ENY2: variants seen among roughly 807,000 people sequenced by gnomAD.
The protein encoded by ENY2 is transcription and mRNA export factor ENY2.
Under a neutral mutation model 15.9 loss-of-function variants are expected in ENY2, and 4 were observed. That is an observed-to-expected ratio of 0.25 (90% CI 0.12 to 0.57). The LOEUF is 0.57. ENY2 is among the 20% of genes least tolerant of loss of function. ENY2 has a pLI of 0.91. For synonymous variants in ENY2, 48 were observed against 38.0 expected, an observed-to-expected ratio of 1.26 and a Z score of -0.97; for missense variants, 54 against 117.2, an observed-to-expected ratio of 0.46 and a Z score of 2.49.
At chr8:109,334,740 A>G (rs1815919833) in intron 1 of ENY2, 7 of 522,188 alleles carry the variant, frequency 1.3e-5, no homozygotes, top group Non-Finnish European at 2.4e-5. Context: ...TTGTTTTACC[A>G]GTGAGAAAAC....
rs935561696 is a variant in ENY2 at position 109,334,393 on chromosome 8, G to C, written c.-76G>C. 1.4e-5 allele frequency: 23 copies of C among 1,608,434 alleles called. No homozygotes were observed. In the Admixed American group the frequency reaches 1.8e-4, roughly 13 times the overall value. ...ACTGAGGGTCTAAGTCCGGGCAGCC[G>C]AAGAGTGTGGTAGGTAACGGTCCTC... On this transcript the variant is annotated 5_prime_UTR_variant, in exon 1 of 5. Coordinates refer to ENST00000521688, the MANE Select transcript of ENY2 (RefSeq NM_020189.6).
chr8:109,339,459 A>G, intron 3 of ENY2, 69 bp downstream of exon 3: 3 of 1,283,622 alleles, frequency 2.3e-6, no homozygotes, highest in Non-Finnish European at 3.4e-6. Flanking sequence ...GGGGTTGCTT[A>G]TTTTAAGGTA....
Position 109,344,472 on chromosome 8 carries a change from A to G in ENY2, c.*991A>G, listed in dbSNP as rs1007117601. The G allele has an allele frequency of 1.3e-5, 2 of 152,274 alleles. No individual in the cohort carries two copies. Among genetic ancestry groups the G allele is most frequent in the African/African-American group, 4.8e-5 (2 of 41,436 alleles). 9.4% of individuals were successfully genotyped at this position (152,274 alleles called of 1,614,324 possible). On this transcript the variant is annotated 3_prime_UTR_variant, in exon 5 of 5. Coordinates refer to ENST00000521688, the MANE Select transcript of ENY2 (RefSeq NM_020189.6). ...CTAAACTGTCTCCAAACCAGACTTC[A>G]TCCTAGCCTCCACACCCAGACACCC...
In ENY2 at chr8:109,343,454, A is replaced by G. The variant is rs760050280; in HGVS notation, c.279A>G (p.Thr93=). 1 of 1,613,162 alleles carries G rather than the reference A, an allele frequency of 6.2e-7. No homozygotes were observed. The highest frequency in any genetic ancestry group is 2.2e-5 in the East Asian group (1 of 44,762). The part of the protein sequence containing the change: ...VKKELLQRIR[T]FLAQHASL The stretch of plus-strand genomic sequence containing the variant: ...AGGAGCTCCTACAAAGAATAAGAAC[A>G]TTCCTTGCTCAGCATGCCAGCCTTT... The change falls in exon 5 of 5, where the codon ACA becomes ACG. Residue 93 remains threonine, a synonymous_variant. Coordinates refer to ENST00000521688, the MANE Select transcript of ENY2 (RefSeq NM_020189.6).
intron 4 of ENY2, chr8:109,342,656 C>T (rs1342443373): frequency 5.8e-6 from 4 of 691,796 alleles, no homozygotes; most frequent in Non-Finnish European, 1.1e-5. Flanking sequence ...CACAGACACA[C>T]ACCACCATGC....
chr8:109,341,447 C>T (rs915596537), intron 4 of ENY2, among the ~76,000 whole-genome samples: 1 of 151,430 alleles, frequency 6.6e-6, no homozygotes, highest in African/African-American at 2.4e-5. Context: ...AAGTATGTCT[C>T]GGGGAAAGGA....
At chr8:109,334,499 G>A in intron 1 of ENY2, 25 bp downstream of exon 1, 1 of 1,611,250 alleles carries the variant, frequency 6.2e-7, no homozygotes, top group Non-Finnish European at 8.5e-7. Flanking sequence ...TGGTCCTCAG[G>A]GCCGGGACCC....
rs1332265376 is a variant in ENY2 at position 109,345,518 on chromosome 8, C to A, written c.*2037C>A. 1 of 152,118 alleles carries A rather than the reference C, an allele frequency of 6.6e-6. No individual in the cohort carries two copies. Among genetic ancestry groups the A allele is most frequent in the Non-Finnish European group, 1.5e-5 (1 of 68,014 alleles). The allele number at this position is 152,118 out of a possible 1,614,324, so 9.4% of individuals were successfully genotyped here. A position where few individuals can be genotyped will look rare whatever the true frequency, so the allele number is the denominator to read the frequency against. On this transcript the variant is annotated 3_prime_UTR_variant, in exon 5 of 5. Transcript: ENST00000521688. ...CACACAATCACAAAACCTACCCAAA[C>A]AAGTTTTTTGTTTCACTTCATCTCT...
Position 109,339,451 on chromosome 8 carries a change from G to C in ENY2, c.154+61G>C, listed in dbSNP as rs1006575830. On this transcript the variant is annotated intron_variant, in intron 3 of 4. Coordinates refer to ENST00000521688, the MANE Select transcript of ENY2 (RefSeq NM_020189.6). ...TTTTTCTGATCAGGATTGGTTTGGGGGTTGCTTATTTTAAGGTATATTGAG... is the reference window on the plus strand; with the variant it reads ...TTTTTCTGATCAGGATTGGTTTGGGCGTTGCTTATTTTAAGGTATATTGAG... 22 of 1,460,012 alleles carry C rather than the reference G, an allele frequency of 1.5e-5. No homozygotes were observed. In the African/African-American group the frequency reaches 2.7e-4, roughly 18 times the overall value. The allele number at this position is 1,460,012 out of a possible 1,614,324, so 90.4% of individuals were successfully genotyped here. A position where few individuals can be genotyped will look rare whatever the true frequency, so the allele number is the denominator to read the frequency against.
chr8:109,342,771 T>A, intron 4 of ENY2: 5 of 695,948 alleles, frequency 7.2e-6, no homozygotes, highest in Non-Finnish European at 1.3e-5. Context: ...TCCAGACTGC[T>A]GGGATGACAG....
At chr8:109,336,298 A>G (rs571320053) in intron 2 of ENY2, 94 bp downstream of exon 2, 3 of 1,061,714 alleles carry the variant, frequency 2.8e-6, no homozygotes, top group South Asian at 3.0e-5. Flanking sequence ...GTCACTGGAA[A>G]GAATTACAAT....
intron 2 of ENY2, 46 bp from the exon 3 acceptor site, chr8:109,339,274 A>G (rs1816064360): frequency 6.4e-7 from 1 of 1,562,232 alleles, no homozygotes; most frequent in Admixed American, 1.7e-5. Context: ...ATTCCTGTCT[A>G]AGATGTTATA....
intron 3 of ENY2, 80 bp downstream of exon 3, chr8:109,339,470 T>G: frequency 3.5e-6 from 4 of 1,130,722 alleles, no homozygotes; most frequent in Non-Finnish European, 4.0e-6. Context: ...TTTTAAGGTA[T>G]ATTGAGTATT....
rs1816206053 is a variant in ENY2 at position 109,344,972 on chromosome 8, CAT to C, written c.*1493_*1494del. 6.6e-6 allele frequency: 1 copy of C among 152,202 alleles called. No homozygotes were observed. Among genetic ancestry groups the C allele is most frequent in the Admixed American group, 6.5e-5 (1 of 15,280 alleles). 9.4% of individuals were successfully genotyped at this position (152,202 alleles called of 1,614,324 possible). A position where few individuals can be genotyped will look rare whatever the true frequency, so the allele number is the denominator to read the frequency against. ...GAATGAAACTCATTCAGCATTAACA[CAT>C]AGGCCCTTCTTGATCTGACATCGTG... On this transcript the variant is annotated 3_prime_UTR_variant, in exon 5 of 5. Coordinates refer to ENST00000521688, the MANE Select transcript of ENY2 (RefSeq NM_020189.6).
chr8:109,345,285 T>C lies in ENY2; in HGVS notation c.*1804T>C, dbSNP rs1221236863. The C allele has an allele frequency of 6.6e-6, 1 of 152,188 alleles. No homozygotes were observed. Among genetic ancestry groups the C allele is most frequent in the African/African-American group, 2.4e-5 (1 of 41,442 alleles). 9.4% of individuals were successfully genotyped at this position (152,188 alleles called of 1,614,324 possible). A position where few individuals can be genotyped will look rare whatever the true frequency, so the allele number is the denominator to read the frequency against. ...CTTCTCTGACTTTGTATGATGCTTA[T>C]TTGTGGATGAATGGGCAAGGGAAAA... is the stretch of plus-strand genomic sequence containing the variant. On this transcript the variant is annotated 3_prime_UTR_variant, in exon 5 of 5. Coordinates refer to ENST00000521688, the MANE Select transcript of ENY2 (RefSeq NM_020189.6).
At position 109,342,164 on chromosome 8, in the gene ENY2, C is replaced by T. The variant is rs72682702; in HGVS notation, c.230-1241C>T. ...GTTAGAAGTTTTAGTTAACCCCCCCCTTTTTTTTTTTTTGCATTTATGGTT... is the reference window on the plus strand; with the variant it reads ...GTTAGAAGTTTTAGTTAACCCCCCCTTTTTTTTTTTTTTGCATTTATGGTT... On this transcript the variant is annotated intron_variant, in intron 4 of 4. Coordinates refer to ENST00000521688, the MANE Select transcript of ENY2 (RefSeq NM_020189.6). Among the ~76,000 whole-genome samples the T allele has an allele frequency of 7.6e-3, 994 of 130,982 alleles. 9 individuals are homozygous for T. The highest frequency in any genetic ancestry group is 0.053 in the Middle Eastern group (13 of 246). The allele number at this position is 130,982 out of a possible 152,430, so 85.9% of individuals were successfully genotyped here. A position where few individuals can be genotyped will look rare whatever the true frequency, so the allele number is the denominator to read the frequency against.
At chr8:109,335,969 A>G in intron 1 of ENY2, 159 bp from the exon 2 acceptor site, 2 of 632,136 alleles carry the variant, frequency 3.2e-6, no homozygotes, top group East Asian at 2.8e-5. Flanking sequence ...TGCCAAGCAC[A>G]TAAGTGTTTA....
At chr8:109,338,853 G>A (rs1021729476) in intron 2 of ENY2, 3 of 154,036 alleles carry the variant, frequency 1.9e-5, no homozygotes, top group Admixed American at 1.9e-4. Flanking sequence ...TCAAAGAGGT[G>A]GGTAGCCTGT....
At chr8:109,337,577 GGT>G (rs1816014161) in intron 2 of ENY2, among the ~76,000 whole-genome samples, 1 of 152,092 alleles carries the variant, frequency 6.6e-6, no homozygotes, top group African/African-American at 2.4e-5. Context: ...AAAATAAAGA[GGT>G]GTAATATTTT....
Sources: allele counts gnomAD v4.1 joint callset (sites outside exome capture counted in the v4.1 genomes callset), GRCh38; gene constraint gnomAD v4.1.1; transcripts MANE v1.5; gene names NCBI Gene and HGNC (gene_info 2026-07-23, HGNC 2026-07-21).